Variants in ZNF382 observed in about 807,000 individuals in gnomAD.
ZNF382 encodes zinc finger protein 382.
ZNF382 carries 20 observed loss-of-function variants against 38.8 expected under a neutral mutation model. The observed-to-expected ratio is 0.51, with a 90% confidence interval of 0.36 to 0.75. The LOEUF (loss-of-function observed/expected upper bound fraction) is 0.75, where lower values mean the gene tolerates loss of function less well. Among genes scored for constraint, ZNF382 ranks in the 30% least tolerant of loss-of-function variants. The pLI, the probability that ZNF382 is intolerant of heterozygous loss-of-function variation, is 0.00. For synonymous variants in ZNF382, 202 were observed against 223.1 expected (o/e 0.91, Z 0.84); for missense variants, 546 against 654.1 (o/e 0.83, Z 1.80).
At position 36,606,624 on chromosome 19, in the gene ZNF382, A is replaced by G. The variant is rs141409893; in HGVS notation, c.-84-928A>G. On this transcript the variant is annotated intron_variant, in intron 1 of 4. Coordinates refer to ENST00000292928, the MANE Select transcript of ZNF382 (RefSeq NM_032825.5). ...CCTCCCCCCGCCCCCTCGGCCTGCC[A>G]AAGTACTGGGATTACAGGTGTGAGC... 2.2e-3 allele frequency among the ~76,000 whole-genome samples: 310 copies of G among 138,996 alleles called. 1 individual carries two copies. Among genetic ancestry groups the G allele is most frequent in the Middle Eastern group, 7.0e-3 (2 of 286 alleles). 91.2% of individuals were successfully genotyped at this position (138,996 alleles called of 152,430 possible).
intron 4 of ZNF382, among the ~76,000 whole-genome samples, chr19:36,622,598 A>G (rs1280699016): frequency 6.6e-6 from 1 of 152,302 alleles, no homozygotes; most frequent in East Asian, 1.9e-4. Context: ...TTGGGGCTCC[A>G]TCAAATAGGC....
intron 4 of ZNF382, among the ~76,000 whole-genome samples, chr19:36,619,179 C>T (rs149320697): frequency 1.3e-5 from 2 of 152,266 alleles, no homozygotes; most frequent in East Asian, 3.9e-4. Flanking sequence ...TTGTAACTGG[C>T]CTAAGTCCAG....
chr19:36,633,104 T>G lies in ZNF382; in HGVS notation c.*5554T>G, dbSNP rs1328302363. 1.3e-5 allele frequency: 2 copies of G among 151,828 alleles called. No homozygotes were observed. The highest frequency in any genetic ancestry group is 4.8e-5 in the African/African-American group (2 of 41,294). 9.4% of individuals were successfully genotyped at this position (151,828 alleles called of 1,614,324 possible). ...GCCCAGGCTGGAGGCAGTGGCTCGA[T>G]CTTGGCTCACTGTAAGCTCCGCCTC... On this transcript the variant is annotated 3_prime_UTR_variant, in exon 5 of 5. Transcript: ENST00000292928.
chr19:36,609,041 G>C (rs1663094988), intron 2 of ZNF382: 1 of 152,164 alleles, frequency 6.6e-6, no homozygotes, highest in African/African-American at 2.4e-5. Context: ...GTCTTCAGGA[G>C]TATTACCTCA....
chr19:36,606,189 G>A (rs1183241654), intron 1 of ZNF382, among the ~76,000 whole-genome samples: 2 of 152,072 alleles, frequency 1.3e-5, no homozygotes, highest in East Asian at 3.8e-4. Flanking sequence ...ATAAAATAGA[G>A]ATAACAGTAT....
At chr19:36,621,820 A>G (rs1305437983) in intron 4 of ZNF382, among the ~76,000 whole-genome samples, 2 of 152,102 alleles carry the variant, frequency 1.3e-5, no homozygotes, top group African/African-American at 4.8e-5. Flanking sequence ...GTCCCCTTAG[A>G]TTGGATAATG....
At chr19:36,623,692 G>T (rs866371735) in intron 4 of ZNF382, among the ~76,000 whole-genome samples, 15 of 152,042 alleles carry the variant, frequency 9.9e-5, no homozygotes, top group Middle Eastern at 3.4e-3. Context: ...TACTCAGGAG[G>T]TCGAGGCATG....
rs2037216753 is a variant in ZNF382, at chr19:36,626,714, T to C, written c.817T>C (p.Tyr273His). ...AAAGAAGCCCTCTGCCTACAACAAA[T>C]ATGGGAAATTCCTCTGCAGAAAGCC... is the stretch of plus-strand genomic sequence containing the variant. ...MEKKPSAYNK[Y>H]GKFLCRKPVF... The change falls in exon 5 of 5, where the codon TAT becomes CAT. Residue 273 changes from tyrosine to histidine, a missense_variant. By Grantham distance (83) the Tyr-to-His change is moderately conservative (BLOSUM62 2). Coordinates refer to ENST00000292928, the MANE Select transcript of ZNF382 (RefSeq NM_032825.5). 6.2e-7 allele frequency: 1 copy of C among 1,614,048 alleles called. No homozygotes were observed. Among genetic ancestry groups the C allele is most frequent in the East Asian group, 2.2e-5 (1 of 44,878 alleles).
chr19:36,606,923 C>T lies in ZNF382; in HGVS notation c.-84-629C>T, dbSNP rs145312194. 4.0e-3 allele frequency among the ~76,000 whole-genome samples: 601 copies of T among 151,478 alleles called. 1 individual carries two copies. The highest frequency in any genetic ancestry group is 6.7e-3 in the Non-Finnish European group (455 of 67,866). Reference sequence around the variant, plus strand: ...AGAAACCCCATCTCTACTAAAAATACAAAATTAGCCGGGCATGGTGGTGCA... The same window carrying T: ...AGAAACCCCATCTCTACTAAAAATATAAAATTAGCCGGGCATGGTGGTGCA... On this transcript the variant is annotated intron_variant, in intron 1 of 4. Transcript: ENST00000292928.
At position 36,615,922 on chromosome 19, in the gene ZNF382, C is replaced by T. The variant is rs1300861135; in HGVS notation, c.232+5180C>T. On this transcript the variant is annotated intron_variant, in intron 4 of 4. Transcript: ENST00000292928. Reference sequence around the variant, plus strand: ...GATGCACCTCTTTTTATTAAACCAACAATATTAAACTCATCTTAGTTATCA... The same window carrying T: ...GATGCACCTCTTTTTATTAAACCAATAATATTAAACTCATCTTAGTTATCA... Among the ~76,000 whole-genome samples the T allele has an allele frequency of 2.0e-5, 3 of 152,024 alleles. No individual in the cohort carries two copies. The East Asian group carries it at 5.8e-4, about 29-fold the overall frequency.
At chr19:36,617,413 T>C (rs143411421) in intron 4 of ZNF382, among the ~76,000 whole-genome samples, 15 of 152,228 alleles carry the variant, frequency 9.9e-5, no homozygotes, top group African/African-American at 3.6e-4. Context: ...TCCAGAGTAG[T>C]GGACCAGGAG....
At chr19:36,626,055 A>G in intron 4 of ZNF382, 75 bp from the exon 5 acceptor site, 7 of 1,072,916 alleles carry the variant, frequency 6.5e-6, no homozygotes, top group East Asian at 2.8e-5. Context: ...TAGTCCCACC[A>G]TAGTTTGTCT....
At position 36,606,344 on chromosome 19, in the gene ZNF382, C is replaced by T. The variant is rs2037025997; in HGVS notation, c.-85+997C>T. Among the ~76,000 whole-genome samples, 5 of 146,470 alleles carry T rather than the reference C, an allele frequency of 3.4e-5. No individual in the cohort carries two copies. The South Asian group carries it at 1.1e-3, about 32-fold the overall frequency. On this transcript the variant is annotated intron_variant, in intron 1 of 4. Coordinates refer to ENST00000292928, the MANE Select transcript of ZNF382 (RefSeq NM_032825.5). ...TTTTTTTTTTTTTTTACCATAACTACCACTTTTGTTGTTGTTTTTTGTTTG... is the reference window on the plus strand; with the variant it reads ...TTTTTTTTTTTTTTTACCATAACTATCACTTTTGTTGTTGTTTTTTGTTTG...
At position 36,630,117 on chromosome 19, in the gene ZNF382, T is replaced by A. The variant is rs1478740453; in HGVS notation, c.*2567T>A. On this transcript the variant is annotated 3_prime_UTR_variant, in exon 5 of 5. Transcript: ENST00000292928. ...AACTCAATTGAGGGGTCCATATATA[T>A]TCTTTCTCATTTTCTGGCAGTAAAT... is the stretch of plus-strand genomic sequence containing the variant. The A allele has an allele frequency of 6.6e-6, 1 of 152,160 alleles. No individual in the cohort carries two copies. Among genetic ancestry groups the A allele is most frequent in the Non-Finnish European group, 1.5e-5 (1 of 68,020 alleles). The allele number at this position is 152,160 out of a possible 1,614,324, so 9.4% of individuals were successfully genotyped here.
chr19:36,627,577 T>C lies in ZNF382; in HGVS notation c.*27T>C. 6.5e-7 allele frequency: 1 copy of C among 1,539,664 alleles called. No homozygotes were observed. Among genetic ancestry groups the C allele is most frequent in the Non-Finnish European group, 8.9e-7 (1 of 1,118,236 alleles). On this transcript the variant is annotated 3_prime_UTR_variant, in exon 5 of 5. Transcript: ENST00000292928. Reference sequence around the variant, plus strand: ...TAATGTGGCTTTTTTTGTAAAAAAATGTTAAGTCATAGTAAACCCTGTAGA... The same window carrying C: ...TAATGTGGCTTTTTTTGTAAAAAAACGTTAAGTCATAGTAAACCCTGTAGA...
Position 36,626,759 on chromosome 19 carries a change from A to G in ZNF382, c.862A>G (p.Arg288Gly), listed in dbSNP as rs1266742115. The G allele has an allele frequency of 1.2e-6, 2 of 1,614,122 alleles. No homozygotes were observed. Among genetic ancestry groups the G allele is most frequent in the Non-Finnish European group, 1.7e-6 (2 of 1,180,060 alleles). ...CRKPVFIMPQ[R>G]PQTEEKPFHC... ...AAAGCCTGTTTTTATTATGCCTCAG[A>G]GACCTCAAACAGAAGAGAAACCCTT... Residue 288 changes from arginine to glycine, a missense_variant, in exon 5 of 5, where the codon AGA becomes GGA. Arg to Gly is a moderately radical substitution (Grantham distance 125, BLOSUM62 -2). Transcript: ENST00000292928.
At chr19:36,618,288 T>C (rs542494063) in intron 4 of ZNF382, among the ~76,000 whole-genome samples, 6 of 152,222 alleles carry the variant, frequency 3.9e-5, no homozygotes, top group Non-Finnish European at 7.3e-5. Flanking sequence ...TGCAAACTCT[T>C]TTTCAGAGCT....
At position 36,628,117 on chromosome 19, in the gene ZNF382, G is replaced by A. The variant is rs1015546025; in HGVS notation, c.*567G>A. 3 of 152,382 alleles carry A rather than the reference G, an allele frequency of 2.0e-5. No individual in the cohort carries two copies. Among genetic ancestry groups the A allele is most frequent in the African/African-American group, 7.2e-5 (3 of 41,400 alleles). The allele number at this position is 152,382 out of a possible 1,614,324, so 9.4% of individuals were successfully genotyped here. ...AGCTTATTACCTTCATCATGTCCGT[G>A]AGTCTAATCATTAGTACGTGTGGCA... On this transcript the variant is annotated 3_prime_UTR_variant, in exon 5 of 5. Transcript: ENST00000292928.
At chr19:36,611,556 C>T (rs1396115278) in intron 4 of ZNF382, among the ~76,000 whole-genome samples, 3 of 152,014 alleles carry the variant, frequency 2.0e-5, no homozygotes, top group Non-Finnish European at 4.4e-5. Flanking sequence ...GTCAGTGGTC[C>T]GTTGGGTTCC....
Sources: allele counts gnomAD v4.1 joint callset (sites outside exome capture counted in the v4.1 genomes callset), GRCh38; gene constraint gnomAD v4.1.1; transcripts MANE v1.5; gene names NCBI Gene and HGNC (gene_info 2026-07-23, HGNC 2026-07-21).